The following UBR4 variants were observed in gnomAD, a reference collection of about 807,000 sequenced individuals.
UBR4 encodes the protein ubiquitin protein ligase E3 component n-recognin 4.
A neutral mutation model predicts 575.6 loss-of-function variants in UBR4; 124 were observed. The observed-to-expected ratio is 0.22, with a 90% CI of 0.19 to 0.25. The LOEUF (loss-of-function observed/expected upper bound fraction) is 0.25. Among genes scored for constraint, UBR4 ranks in the 10% least tolerant of loss-of-function variants. The pLI is 1.00. For missense variants in UBR4, 4,818 were observed against 6,478.8 expected (o/e 0.74, Z 8.80); for synonymous variants, 2,455 against 2,473.7 (o/e 0.99, Z 0.22).
chr1:19,180,881 C>G lies in UBR4; in HGVS notation c.2185-1661G>C, dbSNP rs539600729. On this transcript the variant is annotated intron_variant, in intron 17 of 105. Coordinates refer to ENST00000375254, the MANE Select transcript of UBR4 (RefSeq NM_020765.3). ...TCAAACTGCACCACAGTCCATCTAG[C>G]AGCAGAACTCTGGCTGAGTCCTCCC... 1.5e-4 allele frequency among the ~76,000 whole-genome samples: 23 copies of G among 152,280 alleles called. No individual in the cohort carries two copies. In the South Asian group the frequency reaches 4.3e-3, roughly 29 times the overall value.
chr1:19,151,262 A>C (rs2085657268), intron 48 of UBR4: 1 of 344,318 alleles, frequency 2.9e-6, no homozygotes, highest in South Asian at 3.3e-5. Flanking sequence ...GTGGCATAGC[A>C]AGCCATTGCC....
chr1:19,104,744 T>C (rs1200247994), intron 85 of UBR4, 78 bp from the exon 86 acceptor site: 1 of 1,447,374 alleles, frequency 6.9e-7, no homozygotes, highest in African/African-American at 1.4e-5. Flanking sequence ...TCCCAGGAGC[T>C]TGCAGCACCA....
intron 68 of UBR4, among the ~76,000 whole-genome samples, chr1:19,120,814 T>C (rs1165321833): frequency 6.6e-6 from 1 of 152,212 alleles, no homozygotes; most frequent in Non-Finnish European, 1.5e-5. Context: ...GTGCAGCTGA[T>C]GGTGAGGGTC....
Position 19,160,195 on chromosome 1 carries a change from G to A in UBR4, c.5493C>T (p.Ala1831=), listed in dbSNP as rs139582695. ...GCTGAGCACGGCTGCTGCTCCCGAC[G>A]GCTGAAGCTTGCTGGAAGTTGGTCT... ...AIQTNFQQAS[A]VGSSSRAQQA... is the part of the protein sequence containing the mutation. Residue 1831 remains alanine, a synonymous_variant, in exon 39 of 106, where the codon GCC becomes GCT. Coordinates refer to ENST00000375254, the MANE Select transcript of UBR4 (RefSeq NM_020765.3). 1,166 of 1,613,850 alleles carry A rather than the reference G, an allele frequency of 7.2e-4. 1 individual carries two copies. Among genetic ancestry groups the A allele is most frequent in the Non-Finnish European group, 8.7e-4 (1,032 of 1,179,986 alleles).
chr1:19,137,860 T>G lies in UBR4; in HGVS notation c.8906+147A>C. On this transcript the variant is annotated intron_variant, in intron 60 of 105. Transcript: ENST00000375254. ...CAGACCTAGAGCACTTCCTAAGACT[T>G]TAAACTGTTTCAGAAGTTTACACCT... 9.1e-6 allele frequency: 8 copies of G among 882,632 alleles called. No homozygotes were observed. The South Asian group carries it at 3.3e-4, about 37-fold the overall frequency. 54.7% of individuals were successfully genotyped at this position (882,632 alleles called of 1,614,324 possible).
intron 63 of UBR4, among the ~76,000 whole-genome samples, chr1:19,127,378 A>C (rs1277985995): frequency 1.3e-5 from 2 of 152,254 alleles, no homozygotes; most frequent in Non-Finnish European, 2.9e-5. Context: ...CTGCTCTTCA[A>C]TAATGGAACT....
Position 19,124,585 on chromosome 1 carries a change from G to T in UBR4, c.9544C>A (p.Pro3182Thr). 6.2e-7 allele frequency: 1 copy of T among 1,614,184 alleles called. No individual in the cohort carries two copies. Among genetic ancestry groups the T allele is most frequent in the Non-Finnish European group, 8.5e-7 (1 of 1,180,036 alleles). The change falls in exon 65 of 106, where the codon CCA (proline) becomes ACA (threonine). Residue 3182 changes from proline to threonine, a missense_variant. Around this residue, in one of 29 missense-constraint regions of UBR4, gnomAD observed 550 missense variants for 791.5 expected, o/e 0.69. Coordinates refer to ENST00000375254, the MANE Select transcript of UBR4 (RefSeq NM_020765.3). ...CACGAGTGGTCAAAGACAGGAGGTG[G>T]GATTCGAGAATTGGTGTCAGTAATC... ...KKITDTNSRI[P>T]PPVFDHSWFY...
rs778750526 is a variant in UBR4, at chr1:19,161,724, G to A, written c.5040C>T (p.His1680=). Residue 1680 remains histidine (H), a synonymous_variant, in exon 37 of 106, where the codon CAC becomes CAT. Coordinates refer to ENST00000375254, the MANE Select transcript of UBR4 (RefSeq NM_020765.3). ...CCACGCCATCCACCATTTTACAGGT[G>A]TGACAGTGGTACCTACAAAGAACAA... The part of the protein sequence containing the change: ...EFMNQHWYHC[H]TCKMVDGVGV... 6.2e-7 allele frequency: 1 copy of A among 1,613,036 alleles called. No homozygotes were observed. Among genetic ancestry groups the A allele is most frequent in the South Asian group, 1.1e-5 (1 of 91,010 alleles).
intron 9 of UBR4, among the ~76,000 whole-genome samples, chr1:19,192,816 CTT>C (rs1346977848): frequency 6.6e-6 from 1 of 151,784 alleles, no homozygotes; most frequent in Non-Finnish European, 1.5e-5. Flanking sequence ...GAGTTTCACT[CTT>C]GTTGTCCAGG....
rs1177091567 is a variant in UBR4 at position 19,141,254 on chromosome 1, G to A, written c.8488+93C>T. The stretch of plus-strand genomic sequence containing the variant: ...AGATCAACCTCTCCCCATATCTGGG[G>A]ACAAACTAAGTCAGCTGGATATCAG... On this transcript the variant is annotated intron_variant, in intron 57 of 105. Coordinates refer to ENST00000375254, the MANE Select transcript of UBR4 (RefSeq NM_020765.3). 3 of 1,563,580 alleles carry A rather than the reference G, an allele frequency of 1.9e-6. No homozygotes were observed. The East Asian group carries it at 6.7e-5, about 35-fold the overall frequency.
chr1:19,168,393 T>C (rs1033573321), intron 27 of UBR4, among the ~76,000 whole-genome samples: 1 of 152,218 alleles, frequency 6.6e-6, no homozygotes, highest in Non-Finnish European at 1.5e-5. Context: ...AGTTAACAGT[T>C]AAATGCAACG....
In UBR4 at chr1:19,112,561, G is replaced by T; in HGVS notation, c.11764C>A (p.Arg3922=). 1 of 1,613,722 alleles carries T rather than the reference G, an allele frequency of 6.2e-7. No individual in the cohort carries two copies. The highest frequency in any genetic ancestry group is 8.5e-7 in the Non-Finnish European group (1 of 1,179,736). The change falls in exon 78 of 106, where the codon CGG becomes AGG. Residue 3922 remains arginine, a synonymous_variant. Coordinates refer to ENST00000375254, the MANE Select transcript of UBR4 (RefSeq NM_020765.3). ...CACATGAGCTGGCGGACCTCCTCCCGCATGGCCGCAGCCCCTCGGCGAAGA... is the reference window on the plus strand; with the variant it reads ...CACATGAGCTGGCGGACCTCCTCCCTCATGGCCGCAGCCCCTCGGCGAAGA... ...YNLRRGAAAM[R]EEVRQLMCLL...
Position 19,153,920 on chromosome 1 carries a change from T to C in UBR4, c.6478A>G (p.Thr2160Ala), listed in dbSNP as rs2086073677. The C allele has an allele frequency of 1.2e-6, 2 of 1,613,762 alleles. No individual in the cohort carries two copies. Among genetic ancestry groups the C allele is most frequent in the Non-Finnish European group, 1.7e-6 (2 of 1,179,884 alleles). ...GACCACTGGCAAAGAGCAGGAGAAGTCTTACTGCCACCATTGGAACTGCAG... is the reference window on the plus strand; with the variant it reads ...GACCACTGGCAAAGAGCAGGAGAAGCCTTACTGCCACCATTGGAACTGCAG... ...NIKSSNGGSKTSPALCQWSEV... is the reference protein window; with the variant it reads ...NIKSSNGGSKASPALCQWSEV... Residue 2160 changes from threonine (T) to alanine (A), a missense_variant, in exon 45 of 106, where the codon ACT becomes GCT. By Grantham distance (58) the Thr-to-Ala change is moderately conservative (BLOSUM62 0). Transcript: ENST00000375254. The surrounding 1 kb of genome is among the most constrained non-coding windows in gnomAD (Gnocchi z 4.1).
Position 19,156,858 on chromosome 1 carries a change from G to A in UBR4, c.5828C>T (p.Thr1943Ile). Reference sequence around the variant, plus strand: ...AGGAACTGGGGCAGAAGCCAAGCGGGTCAGAGTTAACTTCCTTTTGCTGGA... The same window carrying A: ...AGGAACTGGGGCAGAAGCCAAGCGGATCAGAGTTAACTTCCTTTTGCTGGA... ...ADSSKRKLTLTRLASAPVPFT... is the reference protein window; with the variant it reads ...ADSSKRKLTLIRLASAPVPFT... The change falls in exon 41 of 106, where the codon ACC becomes ATC. Residue 1943 changes from threonine (T) to isoleucine (I), a missense_variant. By Grantham distance (89) the Thr-to-Ile change is moderately conservative. Transcript: ENST00000375254. 1 of 1,614,164 alleles carries A rather than the reference G, an allele frequency of 6.2e-7. No homozygotes were observed. The highest frequency in any genetic ancestry group is 8.5e-7 in the Non-Finnish European group (1 of 1,180,024).
chr1:19,115,159 C>G (rs983500714), intron 74 of UBR4, among the ~76,000 whole-genome samples: 4 of 151,888 alleles, frequency 2.6e-5, no homozygotes, highest in Admixed American at 2.0e-4. Context: ...CGCCCTTACC[C>G]TCCACCCCTG....
intron 78 of UBR4, chr1:19,112,250 C>T (rs551836638): frequency 5.0e-6 from 2 of 403,370 alleles, no homozygotes; most frequent in African/African-American, 2.0e-5. Flanking sequence ...CCCTTCCCTT[C>T]CCTCACAAGG....
rs144308002 is a variant in UBR4 at position 19,127,923 on chromosome 1, G to T, written c.9112-184C>A. On this transcript the variant is annotated intron_variant, in intron 62 of 105. Transcript: ENST00000375254. Reference sequence around the variant, plus strand: ...GGTACCTAGAGCCCGATACACTTAAGAGGCCATATTAAGATACGAACAACT... The same window carrying T: ...GGTACCTAGAGCCCGATACACTTAATAGGCCATATTAAGATACGAACAACT... Among the ~76,000 whole-genome samples, 296 of 152,258 alleles carry T rather than the reference G, an allele frequency of 1.9e-3. 1 individual carries two copies. Among genetic ancestry groups the T allele is most frequent in the African/African-American group, 6.8e-3 (283 of 41,550 alleles).
chr1:19,167,492 G>A (rs1048463139), intron 28 of UBR4, among the ~76,000 whole-genome samples: 8 of 152,032 alleles, frequency 5.3e-5, no homozygotes, highest in Non-Finnish European at 1.0e-4. Flanking sequence ...TCAAATTAAT[G>A]AGCTGCATTT....
At chr1:19,141,995 C>T (rs189543333) in intron 55 of UBR4, among the ~76,000 whole-genome samples, 4 of 152,302 alleles carry the variant, frequency 2.6e-5, no homozygotes, top group East Asian at 1.9e-4. Flanking sequence ...GCTTGCCCCC[C>T]ACAAAAATAA....
Sources: allele counts gnomAD v4.1 joint callset (sites outside exome capture counted in the v4.1 genomes callset), GRCh38; gene constraint gnomAD v4.1.1; regional missense constraint gnomAD v4.1.1; non-coding constraint Gnocchi (gnomAD v3.1); transcripts MANE v1.5; gene names NCBI Gene and HGNC (gene_info 2026-07-23, HGNC 2026-07-21).